Variants in HIVEP3 observed in about 807,000 individuals in gnomAD.
HIVEP3 encodes HIVEP zinc finger 3.
Under a neutral mutation model 152.8 loss-of-function variants are expected in HIVEP3, and 49 were observed. The observed-to-expected ratio is 0.32, with a 90% CI of 0.26 to 0.41. The LOEUF (loss-of-function observed/expected upper bound fraction) is 0.41. HIVEP3 is among the 10% of genes least tolerant of loss of function. The pLI is 1.00. For missense variants in HIVEP3, 2,790 were observed against 3,103.3 expected (o/e 0.90, Z 2.40); for synonymous variants, 1,269 against 1,289.0 (o/e 0.98, Z 0.33).
At chr1:41,966,272 A>G (rs1030076727) in intron 1 of HIVEP3, among the ~76,000 whole-genome samples, 5 of 152,282 alleles carry the variant, frequency 3.3e-5, no homozygotes, top group Non-Finnish European at 7.4e-5. Flanking sequence ...CCACTAAAAA[A>G]ACACACTGAA....
At position 41,970,430 on chromosome 1, in the gene HIVEP3, T is replaced by C. The variant is rs551771888; in HGVS notation, n.120-51906A>G. On this transcript the variant is annotated intron_variant and non_coding_transcript_variant, in intron 1 of 3. Transcript: ENST00000489103. ...GAAGCCATTATCCTCAGCAAACTAA[T>C]GCAGGAACAGAACACCAAACACCAC... 2.4e-4 allele frequency among the ~76,000 whole-genome samples: 37 copies of C among 152,170 alleles called. No homozygotes were observed. In the South Asian group the frequency reaches 7.3e-3, roughly 30 times the overall value.
At chr1:41,902,646 G>A (rs973682513) in intron 1 of HIVEP3, among the ~76,000 whole-genome samples, 12 of 152,224 alleles carry the variant, frequency 7.9e-5, no homozygotes, top group African/African-American at 2.9e-4. Context: ...AGAAGCTGCA[G>A]GATGGGCACA....
At chr1:42,032,451 C>T (rs1167081900) in intron 1 of HIVEP3, among the ~76,000 whole-genome samples, 2 of 152,232 alleles carry the variant, frequency 1.3e-5, no homozygotes, top group African/African-American at 4.8e-5. Flanking sequence ...CTTCATTAGG[C>T]AGAGGGTTTC....
intron 1 of HIVEP3, among the ~76,000 whole-genome samples, chr1:41,748,098 G>A (rs1304646157): frequency 6.6e-6 from 1 of 152,162 alleles, no homozygotes; most frequent in African/African-American, 2.4e-5. Context: ...TTGAGTGCCT[G>A]GTGTGGACTA....
At chr1:41,890,866 C>T (rs1176204550) in intron 1 of HIVEP3, among the ~76,000 whole-genome samples, 1 of 152,214 alleles carries the variant, frequency 6.6e-6, no homozygotes, top group African/African-American at 2.4e-5. Flanking sequence ...GTCAACGCTC[C>T]ACTCAGGCAG....
intron 1 of HIVEP3, among the ~76,000 whole-genome samples, chr1:41,915,809 G>A (rs954863324): frequency 2.6e-5 from 4 of 152,182 alleles, no homozygotes; most frequent in Admixed American, 6.5e-5. Context: ...AATTGGTCAC[G>A]GGCTTTGGCC....
intron 5 of HIVEP3, among the ~76,000 whole-genome samples, chr1:41,566,650 G>A (rs1397096464): frequency 6.6e-6 from 1 of 152,102 alleles, no homozygotes; most frequent in Non-Finnish European, 1.5e-5. Context: ...TATGGAAACA[G>A]CGCCCATCAG....
At chr1:41,750,939 T>A (rs1227537176) in intron 1 of HIVEP3, among the ~76,000 whole-genome samples, 1 of 152,042 alleles carries the variant, frequency 6.6e-6, no homozygotes, top group African/African-American at 2.4e-5. Flanking sequence ...GTCTGGAACT[T>A]CTGACTTCAA....
Position 41,873,769 on chromosome 1 carries a change from A to C in HIVEP3, c.-801+44644T>G, listed in dbSNP as rs1402838460. On this transcript the variant is annotated intron_variant, in intron 1 of 8. Transcript: ENST00000372583. This position sits in a 1 kb window ranked among gnomAD's most constrained non-coding sequence, Gnocchi z 4.2. ...GAGGAGGATTAGAATTCCTCATATC[A>C]GAGAATCCCAGAGCTTTGAAGCTTT... 1.3e-5 allele frequency among the ~76,000 whole-genome samples: 2 copies of C among 152,254 alleles called. No homozygotes were observed. Among genetic ancestry groups the C allele is most frequent in the African/African-American group, 2.4e-5 (1 of 41,464 alleles).
chr1:41,527,523 A>C (rs1643030129), intron 5 of HIVEP3, among the ~76,000 whole-genome samples: 1 of 112,266 alleles, frequency 8.9e-6, no homozygotes, highest in Non-Finnish European at 1.9e-5. Context: ...CCCCGCCCTC[A>C]CATGCTCACC....
chr1:41,886,874 C>T (rs895965738), intron 1 of HIVEP3, among the ~76,000 whole-genome samples: 1 of 152,014 alleles, frequency 6.6e-6, no homozygotes, highest in Admixed American at 6.6e-5. Context: ...AAGTTTTCTC[C>T]TATCAGAAAT....
rs1051594873 is a variant in HIVEP3, at chr1:42,010,493, C to A, written n.119+25314G>T. ...AGCCTTTGTGTGCAGAGATTCTTCT[C>A]TTTGGTACATGCAGGTAGGGAGCAA... On this transcript the variant is annotated intron_variant and non_coding_transcript_variant, in intron 1 of 3. Coordinates refer to the HIVEP3 transcript ENST00000489103. 4.6e-5 allele frequency among the ~76,000 whole-genome samples: 7 copies of A among 152,292 alleles called. No individual in the cohort carries two copies. In the South Asian group the frequency reaches 1.5e-3, roughly 32 times the overall value.
chr1:41,544,439 A>AAC (rs1035844085), intron 5 of HIVEP3: 10 of 151,884 alleles, frequency 6.6e-5, no homozygotes, highest in African/African-American at 2.2e-4. Flanking sequence ...GAATTGATTA[A>AAC]ACACCCTCTG....
chr1:41,836,674 A>G (rs932229807), intron 1 of HIVEP3, among the ~76,000 whole-genome samples: 1 of 152,204 alleles, frequency 6.6e-6, no homozygotes, highest in Non-Finnish European at 1.5e-5. Flanking sequence ...TTCCCCTTGA[A>G]GGAAATTCAC....
At chr1:41,749,908 A>T (rs1015853692) in intron 1 of HIVEP3, among the ~76,000 whole-genome samples, 1 of 152,204 alleles carries the variant, frequency 6.6e-6, no homozygotes, top group African/African-American at 2.4e-5. Context: ...ATCTGCATGA[A>T]ATGTTACATG....
At chr1:41,548,721 A>T (rs1313690340) in intron 5 of HIVEP3, among the ~76,000 whole-genome samples, 2 of 152,048 alleles carry the variant, frequency 1.3e-5, no homozygotes, top group Non-Finnish European at 2.9e-5. Flanking sequence ...TTTTTAGTAA[A>T]GACGGGGTTT....
At chr1:41,910,900 T>G (rs1341647817) in intron 1 of HIVEP3, among the ~76,000 whole-genome samples, 1 of 152,002 alleles carries the variant, frequency 6.6e-6, no homozygotes, top group Non-Finnish European at 1.5e-5. Context: ...AGGGAAAACG[T>G]TGAACATGAA....
At chr1:41,787,538 T>C (rs1649425921) in intron 1 of HIVEP3, among the ~76,000 whole-genome samples, 2 of 112,298 alleles carry the variant, frequency 1.8e-5, no homozygotes, top group Non-Finnish European at 3.0e-5. Context: ...TTTCTTTCTT[T>C]TTTTTTTTTT....
At chr1:41,605,763 C>T (rs929214512) in intron 3 of HIVEP3, among the ~76,000 whole-genome samples, 1 of 151,656 alleles carries the variant, frequency 6.6e-6, no homozygotes, top group Non-Finnish European at 1.5e-5. Context: ...TGGGGAAACC[C>T]TAATTGTGTG....
Sources: gnomAD v4.1 joint callset for allele counts (sites outside exome capture counted in the v4.1 genomes callset) on GRCh38, gnomAD v4.1.1 for gene constraint, Gnocchi (gnomAD v3.1) non-coding constraint, MANE v1.5 for transcripts, NCBI Gene and HGNC (gene_info 2026-07-23, HGNC 2026-07-21) for gene names.